TTN: variants seen among roughly 807,000 people sequenced by gnomAD.
TTN encodes connectin.
A neutral mutation model predicts 3,223.0 loss-of-function variants in TTN; 1,525 were observed. That is an observed-to-expected ratio of 0.47 (90% CI 0.45 to 0.49). The LOEUF is 0.49. Ranked by LOEUF, TTN falls within the 20% of genes least tolerant of loss-of-function variation. The probability of loss-of-function intolerance (pLI) is 0.00; values close to 1 mark genes in which losing one functional copy is unlikely to be tolerated. For missense variants in TTN, 40,786 were observed against 43,424.0 expected, an observed-to-expected ratio of 0.94 and a Z score of 5.40; for synonymous variants, 14,094 against 15,161.0, an observed-to-expected ratio of 0.93 and a Z score of 5.17.
intron 69 of TTN, chr2:178,726,419 T>C (rs1056187584): frequency 2.5e-5 from 4 of 161,868 alleles, no homozygotes; most frequent in African/African-American, 9.6e-5. Context: ...TTTTTGTATA[T>C]GTTCTATAAC....
chr2:178,600,103 C>T (rs898742822), intron 288 of TTN, among the ~76,000 whole-genome samples: 6 of 151,802 alleles, frequency 4.0e-5, no homozygotes, highest in Non-Finnish European at 8.8e-5. Context: ...CATCATTATG[C>T]ATGTAATGAT....
In TTN at chr2:178,730,429, CA is replaced by C. The variant is rs1350095988; in HGVS notation, c.18029-59del. The C allele has an allele frequency of 4.7e-5, 73 of 1,551,456 alleles. 1 individual carries two copies. In the South Asian group the frequency reaches 7.6e-4, roughly 16 times the overall value. On this transcript the variant is annotated intron_variant, in intron 61 of 362. Transcript: ENST00000589042. ...TAGGAAGTTTTATTTTATAACTTAGCAATAAAGGTGAAAATTTAGAAATGAA... is the reference window on the plus strand; with the variant it reads ...TAGGAAGTTTTATTTTATAACTTAGCATAAAGGTGAAAATTTAGAAATGAA...
At chr2:178,743,376 T>C (rs2082845011) in intron 47 of TTN, among the ~76,000 whole-genome samples, 1 of 151,952 alleles carries the variant, frequency 6.6e-6, no homozygotes, top group Non-Finnish European at 1.5e-5. Context: ...TTACGTGCCA[T>C]TGAGTCAGAA....
chr2:178,650,295 A>G, intron 209 of TTN, 24 bp from the exon 210 acceptor site: 1 of 1,521,422 alleles, frequency 6.6e-7, no homozygotes, highest in Non-Finnish European at 8.9e-7. Flanking sequence ...AGTTAATTTT[A>G]TTTCAATGTA....
chr2:178,598,502 C>T lies in TTN; in HGVS notation c.57111+4G>A, dbSNP rs1171958707. On this transcript the variant is annotated splice_donor_region_variant and intron_variant, in intron 292 of 362. Transcript: ENST00000589042. ...TGCATTTCCTTAGTGCCAAGTTTTC[C>T]TACCTTTTCCCATTCTTCTTTTCCT... The T allele has an allele frequency of 6.2e-7, 1 of 1,603,822 alleles. No homozygotes were observed. Among genetic ancestry groups the T allele is most frequent in the East Asian group, 2.2e-5 (1 of 44,468 alleles).
At chr2:178,642,447 C>G (rs1279518575) in intron 218 of TTN, 130 bp from the exon 219 acceptor site, 2 of 706,870 alleles carry the variant, frequency 2.8e-6, no homozygotes, top group Non-Finnish European at 4.8e-6. Context: ...ATATAAATAC[C>G]ACAGAATTTA....
At position 178,602,314 on chromosome 2, in the gene TTN, G is replaced by C; in HGVS notation, c.55088C>G (p.Thr18363Arg). 4 of 1,612,888 alleles carry C rather than the reference G, an allele frequency of 2.5e-6. No individual in the cohort carries two copies. The highest frequency in any genetic ancestry group is 3.4e-6 in the Non-Finnish European group (4 of 1,179,312). The change falls in exon 283 of 363, where the codon ACA (threonine) becomes AGA (arginine). Residue 18363 changes from threonine to arginine, a missense_variant. By Grantham distance (71) the Thr-to-Arg change is moderately conservative (BLOSUM62 -1). Coordinates refer to ENST00000589042, the MANE Select transcript of TTN (RefSeq NM_001267550.2). ...ATCAGTGGCAGGGATCTCCCCAGTT[G>C]TATCACTTGGTTCAGATTCACCAGC... ...NEAGESEPSD[T>R]TGEIPATDIQ...
chr2:178,709,858 T>C lies in TTN; in HGVS notation c.28463-2A>G. Reference sequence around the variant, plus strand: ...TGAAACTTGGTGGGATGAGCCGCTCTATAAGAAATTGCAAGGATATATGAA... The same window carrying C: ...TGAAACTTGGTGGGATGAGCCGCTCCATAAGAAATTGCAAGGATATATGAA... On this transcript the variant is annotated splice_acceptor_variant, in intron 98 of 362. Coordinates refer to ENST00000589042, the MANE Select transcript of TTN (RefSeq NM_001267550.2). LOFTEE classifies it high-confidence loss of function. The C allele has an allele frequency of 6.2e-7, 1 of 1,606,494 alleles. No individual in the cohort carries two copies. Among genetic ancestry groups the C allele is most frequent in the East Asian group, 2.2e-5 (1 of 44,756 alleles).
chr2:178,767,882 G>C lies in TTN; in HGVS notation c.9348C>G (p.Ile3116Met), dbSNP rs760230943. 13 of 1,614,118 alleles carry C rather than the reference G, an allele frequency of 8.1e-6. No homozygotes were observed. The Admixed American group carries it at 2.2e-4, about 27-fold the overall frequency. The change falls in exon 40 of 363, where the codon ATC (isoleucine) becomes ATG (methionine). Residue 3116 changes from isoleucine to methionine, a missense_variant. Transcript: ENST00000589042. ...QKEKYVHRLL[I>M]PSTRMSDAGK... ...CAGCATCAGACATCCGGGTGGATGG[G>C]ATCAGAAGGCGGTGGACATATTTCT...
rs778711807 is a variant in TTN, at chr2:178,667,702, T to C, written c.35565A>G (p.Glu11855=). 6.3e-7 allele frequency: 1 copy of C among 1,594,432 alleles called. No homozygotes were observed. The highest frequency in any genetic ancestry group is 8.5e-7 in the Non-Finnish European group (1 of 1,177,266). The part of the protein sequence containing the change: ...TEMYIYEASE[E]AVLEEKVLVT... ...CAAGTACTTTTTCTTCTAGGACTGC[T>C]TCTTCAGATGCTTCATAAACTTTAA... The change falls in exon 160 of 363, where the codon GAA becomes GAG. Residue 11855 remains glutamate, a synonymous_variant. Transcript: ENST00000589042.
In TTN at chr2:178,689,522, T is replaced by G. The variant is rs1577458815; in HGVS notation, c.31920A>C (p.Pro10640=). 6.2e-7 allele frequency: 1 copy of G among 1,609,402 alleles called. No homozygotes were observed. ...GGAGATGGGATTAAGTACCTGCTGG[T>G]GGTGGAGATTCCTCTCTTTGAGTTA... The part of the protein sequence containing the change: ...TIVTQREESP[P]PAVPEIPKKK... Residue 10640 remains proline (P), a synonymous_variant, in exon 123 of 363, where the codon CCA becomes CCC. Transcript: ENST00000589042.
Position 178,601,408 on chromosome 2 carries a change from T to C in TTN, c.55589A>G (p.Asn18530Ser), listed in dbSNP as rs749840185. ...AAATGTGGTGCTTCCACAGTCTGGA[T>C]TGACTTTGGTCCAGGCTTTTCCATC... is the stretch of plus-strand genomic sequence containing the variant. ...TIDGKAWTKV[N>S]PDCGSTTFVV... Residue 18530 changes from asparagine (N) to serine (S), a missense_variant, in exon 287 of 363, where the codon AAT becomes AGT. By Grantham distance (46) the Asn-to-Ser change is conservative. Coordinates refer to ENST00000589042, the MANE Select transcript of TTN (RefSeq NM_001267550.2). 1.9e-6 allele frequency: 3 copies of C among 1,612,812 alleles called. No individual in the cohort carries two copies. The highest frequency in any genetic ancestry group is 1.7e-6 in the Non-Finnish European group (2 of 1,179,298).
At chr2:178,759,940 G>C (rs1467367722) in intron 43 of TTN, among the ~76,000 whole-genome samples, 1 of 152,128 alleles carries the variant, frequency 6.6e-6, no homozygotes, top group African/African-American at 2.4e-5. Context: ...AAAGTAGCAG[G>C]TTATTGTGTT....
rs111282958 is a variant in TTN at position 178,777,721 on chromosome 2, G to T, written c.4463C>A (p.Thr1488Lys). Residue 1488 changes from threonine to lysine, a missense_variant, in exon 25 of 363, where the codon ACG becomes AAG. Coordinates refer to ENST00000589042, the MANE Select transcript of TTN (RefSeq NM_001267550.2). ...ACGCTTACCATCATGAAACCAGAAC[G>T]TCTCTGGCATAGGTCTACCAACAAC... Reference protein sequence around the residue: ...LKVVGRPMPETFWFHDGQQIV... With the variant: ...LKVVGRPMPEKFWFHDGQQIV... The T allele has an allele frequency of 6.2e-7, 1 of 1,614,024 alleles. No homozygotes were observed. The highest frequency in any genetic ancestry group is 1.1e-5 in the South Asian group (1 of 91,076).
chr2:178,633,159 C>G (rs373279511), intron 233 of TTN, 28 bp downstream of exon 233: 41 of 1,607,580 alleles, frequency 2.6e-5, no homozygotes, highest in Non-Finnish European at 3.4e-5. Context: ...CAACCCCTCT[C>G]CTATATAATT....
chr2:178,727,000 C>T, intron 69 of TTN, 90 bp downstream of exon 69: 1 of 1,239,314 alleles, frequency 8.1e-7, no homozygotes, highest in Non-Finnish European at 1.0e-6. Flanking sequence ...CAAATGGAAA[C>T]TAAAATGATA....
In TTN at chr2:178,605,268, C is replaced by T. The variant is rs368532455; in HGVS notation, c.53909G>A (p.Ser17970Asn). ...EVPPTIKLRL[S>N]VRGDTIKVKA... is the part of the protein sequence containing the mutation. ...AACTTTGATAGTGTCTCCTCGAACACTCAGACGCAACTTAATAGTTGGAGG... is the reference window on the plus strand; with the variant it reads ...AACTTTGATAGTGTCTCCTCGAACATTCAGACGCAACTTAATAGTTGGAGG... Residue 17970 changes from serine (S) to asparagine (N), a missense_variant, in exon 280 of 363, where the codon AGT becomes AAT. Ser to Asn is a conservative substitution (Grantham distance 46, BLOSUM62 1). Coordinates refer to ENST00000589042, the MANE Select transcript of TTN (RefSeq NM_001267550.2). 4.4e-6 allele frequency: 7 copies of T among 1,595,538 alleles called. No individual in the cohort carries two copies. The highest frequency in any genetic ancestry group is 6.0e-6 in the Non-Finnish European group (7 of 1,171,068).
chr2:178,541,526 T>A lies in TTN; in HGVS notation c.97551A>T (p.Thr32517=), dbSNP rs1332189007. The change falls in exon 350 of 363, where the codon ACA becomes ACT. Residue 32517 remains threonine (T), a synonymous_variant. Transcript: ENST00000589042. ...QIFDVSRDGM[T]LTWYPPEDDG... The stretch of plus-strand genomic sequence containing the variant: ...CATCCTCTGGTGGGTACCAAGTAAG[T>A]GTCATGCCATCACGGGAAACATCAA... 5.0e-6 allele frequency: 8 copies of A among 1,612,908 alleles called. No homozygotes were observed. Among genetic ancestry groups the A allele is most frequent in the African/African-American group, 1.3e-5 (1 of 74,894 alleles).
At chr2:178,555,322 T>C in intron 330 of TTN, 170 bp from the exon 331 acceptor site, 1 of 633,840 alleles carries the variant, frequency 1.6e-6, no homozygotes. Context: ...AGGCCACTCT[T>C]CTATCTCAGA....
Sources: gnomAD v4.1 joint callset for allele counts (sites outside exome capture counted in the v4.1 genomes callset) on GRCh38, gnomAD v4.1.1 for gene constraint, MANE v1.5 for transcripts, NCBI Gene and HGNC (gene_info 2026-07-23, HGNC 2026-07-21) for gene names.